The following LRP1B variants were observed in gnomAD, a reference collection of about 807,000 sequenced individuals.
The protein encoded by LRP1B is low-density lipoprotein receptor-related protein 1B.
In LRP1B, 217 loss-of-function variants were observed where a neutral mutation model predicts 556.6. The ratio of observed to expected loss-of-function variants is 0.39; its 90% CI spans 0.35 to 0.44. LRP1B has a LOEUF of 0.44. Ranked by LOEUF, LRP1B falls within the 20% of genes least tolerant of loss-of-function variation. The pLI, the probability that LRP1B is intolerant of heterozygous loss-of-function variation, is 1.00. For synonymous variants in LRP1B, 2,047 were observed against 1,865.8 expected, an observed-to-expected ratio of 1.10 and a Z score of -2.50; for missense variants, 5,053 against 5,620.8, an observed-to-expected ratio of 0.90 and a Z score of 3.23.
At chr2:141,926,702 G>T (rs1157452927) in intron 1 of LRP1B, among the ~76,000 whole-genome samples, 1 of 152,158 alleles carries the variant, frequency 6.6e-6, no homozygotes, top group Non-Finnish European at 1.5e-5. Flanking sequence ...TAGGTAGGTA[G>T]TGGTGAGGCC....
intron 3 of LRP1B, among the ~76,000 whole-genome samples, chr2:141,391,153 T>C (rs1690036731): frequency 6.6e-6 from 1 of 152,196 alleles, no homozygotes; most frequent in South Asian, 2.1e-4. Flanking sequence ...GGATAGTCGT[T>C]ATACAATGCA....
chr2:141,888,420 C>G (rs182382007), intron 1 of LRP1B, among the ~76,000 whole-genome samples: 1 of 152,232 alleles, frequency 6.6e-6, no homozygotes, highest in East Asian at 1.9e-4. Flanking sequence ...GCACAAATAC[C>G]ATGCAGCAGT....
intron 2 of LRP1B, among the ~76,000 whole-genome samples, chr2:141,594,999 T>C (rs1687468330): frequency 6.6e-6 from 1 of 152,136 alleles, no homozygotes; most frequent in Non-Finnish European, 1.5e-5. Context: ...GTTAGATGCT[T>C]TGTGTCCCCT....
At chr2:141,529,577 T>A (rs1422753424) in intron 2 of LRP1B, among the ~76,000 whole-genome samples, 1 of 152,222 alleles carries the variant, frequency 6.6e-6, no homozygotes, top group African/African-American at 2.4e-5. Context: ...TATTCCTGAA[T>A]AATCAAACTG....
intron 1 of LRP1B, among the ~76,000 whole-genome samples, chr2:142,065,232 T>C (rs1705066882): frequency 6.6e-6 from 1 of 151,516 alleles, no homozygotes; most frequent in Non-Finnish European, 1.5e-5. Context: ...ATTATTATCT[T>C]ACATTTCAGA....
chr2:141,278,001 A>T (rs1194516250), intron 3 of LRP1B, among the ~76,000 whole-genome samples: 1 of 152,170 alleles, frequency 6.6e-6, no homozygotes, highest in Non-Finnish European at 1.5e-5. Flanking sequence ...AAATAATAAG[A>T]AAACATTAAG....
chr2:141,865,796 A>G (rs1206403424), intron 1 of LRP1B, among the ~76,000 whole-genome samples: 5 of 152,172 alleles, frequency 3.3e-5, no homozygotes, highest in Non-Finnish European at 5.9e-5. Flanking sequence ...GGATACTCAG[A>G]GAGGTTAAAT....
At chr2:141,375,816 TG>T (rs1689408285) in intron 3 of LRP1B, among the ~76,000 whole-genome samples, 2 of 152,274 alleles carry the variant, frequency 1.3e-5, no homozygotes, top group South Asian at 4.1e-4. Context: ...CAGACCACTG[TG>T]GGGCAGTGAG....
At chr2:140,266,338 T>C (rs1269604017) in intron 86 of LRP1B, among the ~76,000 whole-genome samples, 1 of 152,078 alleles carries the variant, frequency 6.6e-6, no homozygotes, top group Admixed American at 6.6e-5. Flanking sequence ...CTGGAGTTGA[T>C]ACTCATTGGC....
intron 32 of LRP1B, among the ~76,000 whole-genome samples, chr2:140,801,069 A>G (rs1299458822): frequency 6.6e-6 from 1 of 152,120 alleles, no homozygotes; most frequent in East Asian, 1.9e-4. Flanking sequence ...TGTGGCCATT[A>G]TTCTATTTAT....
chr2:140,748,797 TA>T (rs1688457638), intron 35 of LRP1B, among the ~76,000 whole-genome samples: 1 of 95,308 alleles, frequency 1.0e-5, no homozygotes, highest in African/African-American at 4.4e-5. Context: ...ATATATTATA[TA>T]CATATTATAT....
At position 140,327,454 on chromosome 2, in the gene LRP1B, G is replaced by A. The variant is rs116050070; in HGVS notation, c.12224-1576C>T. 3.5e-3 allele frequency among the ~76,000 whole-genome samples: 533 copies of A among 152,040 alleles called. 4 individuals are homozygous for A. The highest frequency in any genetic ancestry group is 0.012 in the African/African-American group (514 of 41,520). ...CTGGTTTCTGCTCAATTATTAAATCGCTATTTGAAGTCATGTAAGAAGATA... is the reference window on the plus strand; with the variant it reads ...CTGGTTTCTGCTCAATTATTAAATCACTATTTGAAGTCATGTAAGAAGATA... On this transcript the variant is annotated intron_variant, in intron 79 of 90. Coordinates refer to ENST00000389484, the MANE Select transcript of LRP1B (RefSeq NM_018557.3).
chr2:141,488,539 G>A (rs1683201393), intron 2 of LRP1B, among the ~76,000 whole-genome samples: 1 of 152,068 alleles, frequency 6.6e-6, no homozygotes, highest in Non-Finnish European at 1.5e-5. Flanking sequence ...GATCACTGCA[G>A]CCTTGACCTC....
In LRP1B at chr2:140,851,689, G is replaced by A. The variant is rs764477393; in HGVS notation, c.4674C>T (p.His1558=). ...HNRSAACACP[H]LMKLSSDKKT... is the part of the protein sequence containing the mutation. ...TCTTGTCTGAAGAAAGCTTCATCAA[G>A]TGGGGGCACGCACAGGCAGCACTCC... Residue 1558 remains histidine, a synonymous_variant, in exon 28 of 91, where the codon CAC becomes CAT. Coordinates refer to ENST00000389484, the MANE Select transcript of LRP1B (RefSeq NM_018557.3). The A allele has an allele frequency of 9.7e-5, 156 of 1,611,616 alleles. No individual in the cohort carries two copies. The highest frequency in any genetic ancestry group is 1.3e-4 in the Non-Finnish European group (155 of 1,179,206).
At chr2:141,407,838 T>C (rs1285235929) in intron 3 of LRP1B, among the ~76,000 whole-genome samples, 1 of 152,258 alleles carries the variant, frequency 6.6e-6, no homozygotes, top group South Asian at 2.1e-4. Flanking sequence ...ACCTAATATA[T>C]AAACACTAAA....
chr2:140,872,376 T>G (rs1185657806), intron 25 of LRP1B, among the ~76,000 whole-genome samples: 4 of 146,380 alleles, frequency 2.7e-5, no homozygotes, highest in African/African-American at 1.0e-4. Flanking sequence ...TTTTTTTTTT[T>G]TTTTTTTTTT....
intron 41 of LRP1B, among the ~76,000 whole-genome samples, chr2:140,663,854 C>T (rs1685178005): frequency 6.6e-6 from 1 of 152,164 alleles, no homozygotes; most frequent in Non-Finnish European, 1.5e-5. Flanking sequence ...TTAATCATTT[C>T]TAGCTTTTGA....
intron 41 of LRP1B, among the ~76,000 whole-genome samples, chr2:140,616,847 CCTAG>C (rs1486647458): frequency 6.6e-6 from 1 of 151,580 alleles, no homozygotes; most frequent in East Asian, 1.9e-4. Context: ...CAGTTCATGC[CCTAG>C]CTGATTTCTT....
At position 140,598,703 on chromosome 2, in the gene LRP1B, T is replaced by C; in HGVS notation, c.7122A>G (p.Ala2374=). Residue 2374 remains alanine (A), a synonymous_variant, in exon 43 of 91, where the codon GCA becomes GCG. Transcript: ENST00000389484. ...TPNGLTIDYR[A]EKLYFSDGSL... is the part of the protein sequence containing the mutation. ...TGCCATCTGAGAAATACAGCTTCTC[T>C]GCACGGTAGTCGATAGTAAGTCCAT... 1 of 1,613,838 alleles carries C rather than the reference T, an allele frequency of 6.2e-7. No individual in the cohort carries two copies. Among genetic ancestry groups the C allele is most frequent in the Non-Finnish European group, 8.5e-7 (1 of 1,179,804 alleles).
Sources: allele counts gnomAD v4.1 joint callset (sites outside exome capture counted in the v4.1 genomes callset), GRCh38; gene constraint gnomAD v4.1.1; transcripts MANE v1.5; gene names NCBI Gene and HGNC (gene_info 2026-07-23, HGNC 2026-07-21).